MRPL9: variants seen among roughly 807,000 people sequenced by gnomAD.
The protein encoded by MRPL9 is mitochondrial ribosomal protein L9.
A neutral mutation model predicts 27.6 loss-of-function variants in MRPL9; 25 were observed. The observed-to-expected ratio is 0.91, with a 90% CI of 0.66 to 1.27. The LOEUF (loss-of-function observed/expected upper bound fraction) is 1.27, where lower values mean the gene tolerates loss of function less well. MRPL9 is among the 50% of genes most tolerant of loss of function. The pLI, the probability that MRPL9 is intolerant of heterozygous loss-of-function variation, is 0.00. For synonymous variants in MRPL9, 154 were observed against 139.0 expected, an observed-to-expected ratio of 1.11 and a Z score of -0.76; for missense variants, 362 against 338.0, an observed-to-expected ratio of 1.07 and a Z score of -0.56.
chr1:151,760,410 T>C (rs1352590458), intron 6 of MRPL9, among the ~76,000 whole-genome samples: 1 of 151,686 alleles, frequency 6.6e-6, no homozygotes, highest in East Asian at 1.9e-4. Flanking sequence ...AAACCCTGTC[T>C]CTACTAAAAT....
chr1:151,761,056 G>A (rs1457668660), intron 5 of MRPL9, 157 bp from the exon 6 acceptor site: 4 of 625,092 alleles, frequency 6.4e-6, no homozygotes, highest in East Asian at 2.8e-5. Flanking sequence ...TGGGAGAGAA[G>A]GGCATACACC....
intron 5 of MRPL9, 70 bp downstream of exon 5, chr1:151,761,381 A>G: frequency 9.3e-7 from 1 of 1,073,534 alleles, no homozygotes; most frequent in Non-Finnish European, 1.5e-6. Context: ...AAAGGGATCA[A>G]TCCCAGGCCT....
rs546325392 is a variant in MRPL9 at position 151,760,564 on chromosome 1, GA to G, written c.672+251del. ...TGCACTCCAGTCTGGGCAACAGAGT[GA>G]GACTCCAGCTCAAAAAAAAAAAAAA... On this transcript the variant is annotated intron_variant, in intron 6 of 6. Transcript: ENST00000368830. 8.2e-3 allele frequency among the ~76,000 whole-genome samples: 943 copies of G among 115,188 alleles called. 16 individuals carry two copies. Among genetic ancestry groups the G allele is most frequent in the African/African-American group, 0.03 (888 of 29,484 alleles). The allele number at this position is 115,188 out of a possible 152,430, so 75.6% of individuals were successfully genotyped here.
In MRPL9 at chr1:151,762,502, T is replaced by TGTC; in HGVS notation, c.311-5_311-3dup. The TGTC allele has an allele frequency of 1.2e-6, 2 of 1,613,794 alleles. No homozygotes were observed. The highest frequency in any genetic ancestry group is 1.7e-6 in the Non-Finnish European group (2 of 1,179,858). ...CCAGGTCACCCCGGACTCCAACATC[T>TGTC]GTCAATTAGAACAGAGACAGGGGAA... On this transcript the variant is annotated splice_region_variant and splice_polypyrimidine_tract_variant and intron_variant, in intron 2 of 6. Transcript: ENST00000368830.
chr1:151,761,622 C>A, intron 4 of MRPL9, 70 bp from the exon 5 acceptor site: 1 of 1,157,588 alleles, frequency 8.6e-7, no homozygotes, highest in Non-Finnish European at 1.3e-6. Context: ...GCAAGCCAAG[C>A]AAGATGGCTC....
chr1:151,761,856 A>G (rs914568993), intron 4 of MRPL9: 2 of 595,964 alleles, frequency 3.4e-6, no homozygotes, highest in Non-Finnish European at 6.0e-6. Context: ...CAGAGCCCTC[A>G]TCTCAGACTA....
At chr1:151,762,007 G>T in intron 4 of MRPL9, 98 bp downstream of exon 4, 1 of 1,192,780 alleles carries the variant, frequency 8.4e-7, no homozygotes, top group Non-Finnish European at 1.2e-6. Context: ...TCCCACTCTT[G>T]GGTCTGCAAT....
chr1:151,762,073 G>C, intron 4 of MRPL9, 32 bp downstream of exon 4: 1 of 1,610,354 alleles, frequency 6.2e-7, no homozygotes, highest in Non-Finnish European at 8.5e-7. Flanking sequence ...TAAGTCTTGT[G>C]ACAAATAAAC....
rs772452925 is a variant in MRPL9, at chr1:151,762,412, G to A, written c.399C>T (p.Ser133=). The A allele has an allele frequency of 4.2e-5, 67 of 1,614,150 alleles. No homozygotes were observed. In the South Asian group the frequency reaches 6.0e-4, roughly 15 times the overall value. Residue 133 remains serine (S), a synonymous_variant, in exon 3 of 7, where the codon TCC becomes TCT. Coordinates refer to ENST00000368830, the MANE Select transcript of MRPL9 (RefSeq NM_031420.4). The part of the protein sequence containing the change: ...LLPQGLAVYA[S]PENKKLFEEE... ...CTTCAAACAGCTTCTTGTTTTCAGG[G>A]GATGCATATACAGCCAGTCCCTGAG... is the stretch of plus-strand genomic sequence containing the variant.
chr1:151,763,105 G>A lies in MRPL9; in HGVS notation c.195C>T (p.Ala65=), dbSNP rs1648186922. 3 of 1,613,798 alleles carry A rather than the reference G, an allele frequency of 1.9e-6. No homozygotes were observed. Among genetic ancestry groups the A allele is most frequent in the Non-Finnish European group, 8.5e-7 (1 of 1,179,918 alleles). Residue 65 remains alanine, a synonymous_variant, in exon 2 of 7, where the codon GCC becomes GCT. Transcript: ENST00000368830. Reference sequence around the variant, plus strand: ...GCAGGCGCGGCTTCCGGCCCTCCCCGGCCAGCGGTACCTTCCACCAGCGCT... The same window carrying A: ...GCAGGCGCGGCTTCCGGCCCTCCCCAGCCAGCGGTACCTTCCACCAGCGCT... ...IVERWWKVPL[A]GEGRKPRLHR...
intron 2 of MRPL9, 145 bp from the exon 3 acceptor site, chr1:151,762,645 T>C (rs1421302484): frequency 2.5e-6 from 2 of 804,298 alleles, no homozygotes; most frequent in African/African-American, 3.5e-5. Context: ...AGGAACAAGA[T>C]TTAAGAGACT....
rs971894601 is a variant in MRPL9 at position 151,763,063 on chromosome 1, G to A, written c.237C>T (p.Val79=). 3.1e-6 allele frequency: 5 copies of A among 1,614,144 alleles called. No individual in the cohort carries two copies. The highest frequency in any genetic ancestry group is 1.1e-5 in the South Asian group (1 of 91,080). ...RKPRLHRRHR[V]YKLVEDTKHR... Reference sequence around the variant, plus strand: ...GCTTCGTGTCCTCCACCAGCTTATAGACGCGATGTCGCCGGTGCAGGCGCG... The same window carrying A: ...GCTTCGTGTCCTCCACCAGCTTATAAACGCGATGTCGCCGGTGCAGGCGCG... Residue 79 remains valine, a synonymous_variant, in exon 2 of 7, where the codon GTC becomes GTT. Coordinates refer to ENST00000368830, the MANE Select transcript of MRPL9 (RefSeq NM_031420.4).
intron 6 of MRPL9, among the ~76,000 whole-genome samples, chr1:151,760,471 G>A (rs181994913): frequency 6.5e-4 from 99 of 151,886 alleles, no homozygotes; most frequent in African/African-American, 2.3e-3. Flanking sequence ...CAGCTACTAG[G>A]GGGACTGAGG....
chr1:151,760,206 T>G, intron 6 of MRPL9, 25 bp from the exon 7 acceptor site: 1 of 1,613,816 alleles, frequency 6.2e-7, no homozygotes, highest in South Asian at 1.1e-5. Flanking sequence ...ATGGGAATTC[T>G]CAGAGATCAG....
At chr1:151,762,345 C>A in intron 3 of MRPL9, 31 bp downstream of exon 3, 1 of 1,613,556 alleles carries the variant, frequency 6.2e-7, no homozygotes, top group Non-Finnish European at 8.5e-7. Flanking sequence ...TTTTATCTCC[C>A]CAAGTCTCTC....
chr1:151,762,409 A>G lies in MRPL9; in HGVS notation c.402T>C (p.Pro134=). ...LPQGLAVYAS[P]ENKKLFEEEK... Reference sequence around the variant, plus strand: ...CCTCTTCAAACAGCTTCTTGTTTTCAGGGGATGCATATACAGCCAGTCCCT... The same window carrying G: ...CCTCTTCAAACAGCTTCTTGTTTTCGGGGGATGCATATACAGCCAGTCCCT... Residue 134 remains proline (P), a synonymous_variant, in exon 3 of 7, where the codon CCT becomes CCC. Transcript: ENST00000368830. The G allele has an allele frequency of 6.2e-7, 1 of 1,614,186 alleles. No homozygotes were observed. Among genetic ancestry groups the G allele is most frequent in the Non-Finnish European group, 8.5e-7 (1 of 1,180,020 alleles).
In MRPL9 at chr1:151,759,866, C is replaced by T. The variant is rs1443792546; in HGVS notation, c.*184G>A. The stretch of plus-strand genomic sequence containing the variant: ...CTTCTGGAACAGGACTTCCCTGCCC[C>T]AGTGATGACAGTTAAAGATGGCAAA... On this transcript the variant is annotated 3_prime_UTR_variant, in exon 7 of 7. Transcript: ENST00000368830. 4 of 710,554 alleles carry T rather than the reference C, an allele frequency of 5.6e-6. No homozygotes were observed. The highest frequency in any genetic ancestry group is 8.5e-6 in the Non-Finnish European group (4 of 468,176). The allele number at this position is 710,554 out of a possible 1,614,324, so 44.0% of individuals were successfully genotyped here.
Position 151,760,834 on chromosome 1 carries a change from C to A in MRPL9, c.654G>T (p.Glu218Asp). Residue 218 changes from glutamate (E) to aspartate (D), a missense_variant, in exon 6 of 7, where the codon GAG (glutamate) becomes GAT (aspartate). Physicochemically the swap from Glu to Asp is conservative, Grantham distance 45. Transcript: ENST00000368830. ...LPEEPITRWGEYWCEVTVNGL... is the reference protein window; with the variant it reads ...LPEEPITRWGDYWCEVTVNGL... ...CACTCACCGTCACCTCACACCAATA[C>A]TCGCCCCACCGTGTGATAGGCTCTT... 2 of 1,596,592 alleles carry A rather than the reference C, an allele frequency of 1.3e-6. No individual in the cohort carries two copies. The highest frequency in any genetic ancestry group is 1.4e-5 in the African/African-American group (1 of 72,868).
In MRPL9 at chr1:151,760,173, C is replaced by A. The variant is rs1231723536; in HGVS notation, c.681G>T (p.Gly227=). Residue 227 remains glycine (G), a synonymous_variant, in exon 7 of 7, where the codon GGG becomes GGT. Coordinates refer to ENST00000368830, the MANE Select transcript of MRPL9 (RefSeq NM_031420.4). ...GEYWCEVTVN[G]LDTVRVPMSV... ...ACATAGGCACTCTCACAGTATCAAG[C>A]CCATTTACCTGCACACAAAACAATG... 5 of 1,614,120 alleles carry A rather than the reference C, an allele frequency of 3.1e-6. No individual in the cohort carries two copies. Among genetic ancestry groups the A allele is most frequent in the South Asian group, 1.1e-5 (1 of 91,082 alleles).
Sources: allele counts gnomAD v4.1 joint callset (sites outside exome capture counted in the v4.1 genomes callset), GRCh38; gene constraint gnomAD v4.1.1; transcripts MANE v1.5; gene names NCBI Gene and HGNC (gene_info 2026-07-23, HGNC 2026-07-21).